CCDC57: variants seen among roughly 807,000 people sequenced by gnomAD.
CCDC57 encodes coiled-coil domain containing 57.
In CCDC57, 118 loss-of-function variants were observed where a neutral mutation model predicts 118.9. The observed-to-expected ratio is 0.99, with a 90% CI of 0.86 to 1.16. The LOEUF is 1.16. Among genes scored for constraint, CCDC57 ranks in the 50% most tolerant of loss-of-function variants. CCDC57 has a pLI of 0.00. For missense variants in CCDC57, 1,300 were observed against 1,320.7 expected (o/e 0.98, Z 0.24); for synonymous variants, 527 against 532.9 (o/e 0.99, Z 0.15).
intron 18 of CCDC57, among the ~76,000 whole-genome samples, 169 bp downstream of exon 17, chr17:82,128,324 G>C (rs528370619): frequency 9.2e-5 from 14 of 152,210 alleles, no homozygotes; most frequent in Admixed American, 7.2e-4. Flanking sequence ...GGGACCACCC[G>C]GCAAACGCTC....
chr17:82,127,652 T>A (rs2145239847), intron 19 of CCDC57, 40 bp downstream of exon 18: 1 of 1,555,932 alleles, frequency 6.4e-7, no homozygotes, highest in Non-Finnish European at 8.7e-7. Flanking sequence ...CCTCGCCAGC[T>A]GCCAGCTGTG....
At chr17:82,121,187 C>T (rs2036630031) in intron 19 of CCDC57, among the ~76,000 whole-genome samples, 1 of 152,086 alleles carries the variant, frequency 6.6e-6, no homozygotes, top group African/African-American at 2.4e-5. Flanking sequence ...GGAGTTCTAG[C>T]CCAGTCTGTG....
At chr17:82,168,830 C>A (rs2044319536) in intron 13 of CCDC57, among the ~76,000 whole-genome samples, 1 of 147,856 alleles carries the variant, frequency 6.8e-6, no homozygotes, top group African/African-American at 2.5e-5. Flanking sequence ...CATCTAACAA[C>A]AAAGATACAA....
intron 3 of CCDC57, among the ~76,000 whole-genome samples, chr17:82,199,545 G>A (rs569591989): frequency 1.3e-5 from 2 of 151,358 alleles, no homozygotes; most frequent in South Asian, 4.2e-4. Flanking sequence ...CAGGTTTGGA[G>A]AGAAGAATGA....
chr17:82,110,747 G>A (rs1008182024), intron 19 of CCDC57, among the ~76,000 whole-genome samples: 1 of 152,038 alleles, frequency 6.6e-6, no homozygotes, highest in African/African-American at 2.4e-5. Flanking sequence ...TATTTATGCC[G>A]GGCACGGTGG....
At chr17:82,201,391 CAG>C in intron 3 of CCDC57, 145 bp downstream of exon 2, 1 of 1,032,556 alleles carries the variant, frequency 9.7e-7, no homozygotes, top group Non-Finnish European at 1.4e-6. Context: ...CTCGGCCACT[CAG>C]ACAGACCAGC....
chr17:82,127,855 G>A, exon 19 of CCDC57: 4 of 1,610,910 alleles, frequency 2.5e-6, no homozygotes, highest in Non-Finnish European at 3.4e-6. Flanking sequence ...TTGGGGACCT[G>A]TCTTCTTTCT....
At chr17:82,125,153 G>C (rs2037248230) in intron 19 of CCDC57, among the ~76,000 whole-genome samples, 1 of 152,150 alleles carries the variant, frequency 6.6e-6, no homozygotes, top group African/African-American at 2.4e-5. Context: ...TAAGGCAGAA[G>C]GGAAGCTGCG....
At chr17:82,193,454 C>G (rs1022378315) in intron 7 of CCDC57, among the ~76,000 whole-genome samples, 2 of 151,138 alleles carry the variant, frequency 1.3e-5, no homozygotes, top group East Asian at 3.9e-4. Context: ...GGCTGAGACA[C>G]GAGAATTGTT....
chr17:82,165,408 G>A (rs1362392987), intron 13 of CCDC57, among the ~76,000 whole-genome samples: 1 of 152,072 alleles, frequency 6.6e-6, no homozygotes, highest in Non-Finnish European at 1.5e-5. Flanking sequence ...GGATCCCAGG[G>A]GTGGCTGGCA....
chr17:82,127,918 A>C lies in CCDC57; in HGVS notation c.2683-10T>G. On this transcript the variant is annotated splice_polypyrimidine_tract_variant and intron_variant, in intron 18 of 19. Transcript: ENST00000665763. Reference sequence around the variant, plus strand: ...GGATGCTGTGTTGTGTCTAGAAAAGACATCATCGTCTTGAAAGCCACCCTC... The same window carrying C: ...GGATGCTGTGTTGTGTCTAGAAAAGCCATCATCGTCTTGAAAGCCACCCTC... 3 of 1,610,968 alleles carry C rather than the reference A, an allele frequency of 1.9e-6. No homozygotes were observed. Among genetic ancestry groups the C allele is most frequent in the Non-Finnish European group, 2.5e-6 (3 of 1,178,910 alleles).
exon 3 of CCDC57, chr17:82,201,612 C>G: frequency 1.2e-6 from 2 of 1,613,662 alleles, no homozygotes; most frequent in African/African-American, 2.7e-5. Context: ...CCTCCACCTT[C>G]CTGGCCTCTC....
At chr17:82,140,747 C>A (rs909089378) in intron 16 of CCDC57, among the ~76,000 whole-genome samples, 5 of 152,174 alleles carry the variant, frequency 3.3e-5, no homozygotes, top group Non-Finnish European at 7.3e-5. Context: ...TAAGGAACCA[C>A]AGCGATGTTA....
exon 14 of CCDC57, chr17:82,163,284 G>A: frequency 6.2e-7 from 1 of 1,614,038 alleles, no homozygotes; most frequent in South Asian, 1.1e-5. Context: ...AGGATACTGG[G>A]CCAGCTTGGA....
chr17:82,148,029 G>A (rs2041075378), intron 16 of CCDC57, among the ~76,000 whole-genome samples: 1 of 125,776 alleles, frequency 8.0e-6, no homozygotes, highest in Non-Finnish European at 1.7e-5. Flanking sequence ...GTGGGTGGAT[G>A]GATGGTAGAT....
intron 19 of CCDC57, among the ~76,000 whole-genome samples, chr17:82,120,358 C>T (rs2036512310): frequency 6.6e-6 from 1 of 151,996 alleles, no homozygotes; most frequent in South Asian, 2.1e-4. Flanking sequence ...ATGCATGGAA[C>T]ACGTTTAAAA....
At chr17:82,128,464 T>C in intron 18 of CCDC57, 29 bp downstream of exon 17, 2 of 1,493,836 alleles carry the variant, frequency 1.3e-6, no homozygotes, top group Non-Finnish European at 1.8e-6. Flanking sequence ...CCCACACAGC[T>C]GCACTTGCTC....
chr17:82,159,833 G>A (rs564429489), intron 14 of CCDC57, among the ~76,000 whole-genome samples: 41 of 151,878 alleles, frequency 2.7e-4, no homozygotes, highest in Admixed American at 6.6e-4. Flanking sequence ...CACCACACCC[G>A]GCTCATCTTT....
intron 4 of CCDC57, among the ~76,000 whole-genome samples, chr17:82,196,656 C>A (rs2048328866): frequency 6.6e-6 from 1 of 152,200 alleles, no homozygotes; most frequent in Admixed American, 6.5e-5. Flanking sequence ...ACAGACGCAG[C>A]CCCTTATGAC....
Sources: gnomAD v4.1 joint callset for allele counts (sites outside exome capture counted in the v4.1 genomes callset) on GRCh38, gnomAD v4.1.1 for gene constraint, MANE v1.5 for transcripts, NCBI Gene and HGNC (gene_info 2026-07-23, HGNC 2026-07-21) for gene names.